Variants in WRN observed in about 807,000 individuals in gnomAD.
WRN encodes WRN RecQ like helicase.
A neutral mutation model predicts 180.7 loss-of-function variants in WRN; 149 were observed. That is an observed-to-expected ratio of 0.82 (90% CI 0.72 to 0.94). The LOEUF (loss-of-function observed/expected upper bound fraction) is 0.94. Ranked by LOEUF, WRN falls within the 40% of genes least tolerant of loss-of-function variation. The probability of loss-of-function intolerance (pLI) is 0.00; values close to 1 mark genes in which losing one functional copy is unlikely to be tolerated. For synonymous variants in WRN, 548 were observed against 568.9 expected (o/e 0.96, Z 0.52); for missense variants, 1,661 against 1,700.1 (o/e 0.98, Z 0.40).
chr8:31,129,060 C>T lies in WRN; in HGVS notation c.2826-3305C>T, dbSNP rs538375597. On this transcript the variant is annotated intron_variant, in intron 23 of 34. Transcript: ENST00000298139. ...TGGTATGATCATAGCTCACTGTAAC[C>T]TCAAATTCCTGGGCTCAAGCAATTC... Among the ~76,000 whole-genome samples the T allele has an allele frequency of 4.6e-5, 7 of 152,282 alleles. No individual in the cohort carries two copies. The South Asian group carries it at 1.5e-3, about 32-fold the overall frequency.
At chr8:31,087,438 A>C (rs953190522) in intron 11 of WRN, among the ~76,000 whole-genome samples, 5 of 152,190 alleles carry the variant, frequency 3.3e-5, no homozygotes, top group African/African-American at 1.2e-4. Flanking sequence ...CACGTTTACT[A>C]CTTGAGAATC....
At chr8:31,074,011 G>A (rs1392806527) in intron 7 of WRN, among the ~76,000 whole-genome samples, 2 of 151,814 alleles carry the variant, frequency 1.3e-5, no homozygotes, top group Admixed American at 1.3e-4. Flanking sequence ...CCGCCTCCCA[G>A]GTTCACACTA....
intron 15 of WRN, among the ~76,000 whole-genome samples, chr8:31,091,585 C>A (rs1297987423): frequency 1.3e-5 from 2 of 151,994 alleles, no homozygotes; most frequent in African/African-American, 4.8e-5. Flanking sequence ...GCAACCTATT[C>A]CTTTACCCCC....
intron 21 of WRN, among the ~76,000 whole-genome samples, chr8:31,121,688 T>A (rs1351830625): frequency 6.6e-6 from 1 of 150,740 alleles, no homozygotes; most frequent in East Asian, 1.9e-4. Flanking sequence ...TAAGGCTTCC[T>A]TGTGGAAGTG....
chr8:31,116,415 C>G lies in WRN; in HGVS notation c.2335C>G (p.Gln779Glu), dbSNP rs992936190. ...CTGTCCTTCTAGAAAAATGACACAA[C>G]AAGTTACAGGTGAACTTAGGAAACT... is the stretch of plus-strand genomic sequence containing the variant. The part of the protein sequence containing the change: ...IYCPSRKMTQ[Q>E]VTGELRKLNL... The change falls in exon 20 of 35, where the codon CAA becomes GAA. Residue 779 changes from glutamine (Q) to glutamate (E), a missense_variant. Coordinates refer to ENST00000298139, the MANE Select transcript of WRN (RefSeq NM_000553.6). 2 of 1,613,966 alleles carry G rather than the reference C, an allele frequency of 1.2e-6. No homozygotes were observed. The highest frequency in any genetic ancestry group is 1.7e-6 in the Non-Finnish European group (2 of 1,179,930).
chr8:31,167,091 C>T lies in WRN; in HGVS notation c.4052C>T (p.Ala1351Val), dbSNP rs1390836146. The T allele has an allele frequency of 1.9e-6, 3 of 1,613,382 alleles. No homozygotes were observed. Among genetic ancestry groups the T allele is most frequent in the Non-Finnish European group, 2.5e-6 (3 of 1,179,528 alleles). The change falls in exon 34 of 35, where the codon GCA becomes GTA. Residue 1351 changes from alanine to valine, a missense_variant. Physicochemically the swap from Ala to Val is moderately conservative, Grantham distance 64 (BLOSUM62 0). Coordinates refer to ENST00000298139, the MANE Select transcript of WRN (RefSeq NM_000553.6). ...ENIDTYLIHM[A>V]IEILKHGPDS... is the part of the protein sequence containing the mutation. The stretch of plus-strand genomic sequence containing the variant: ...ATTGACACGTACCTTATCCACATGG[C>T]AATTGAGATCCTTAAACATGGTCCT...
intron 24 of WRN, among the ~76,000 whole-genome samples, chr8:31,138,114 TTAGAAC>T (rs1434241396): frequency 2.6e-5 from 4 of 151,458 alleles, no homozygotes; most frequent in Non-Finnish European, 4.4e-5. Flanking sequence ...AAAAAAAAAA[TTAGAAC>T]TAGTTATCTG....
At chr8:31,166,034 TTTTTGTTTTG>T (rs569639841) in intron 33 of WRN, among the ~76,000 whole-genome samples, 31 of 152,234 alleles carry the variant, frequency 2.0e-4, no homozygotes, top group African/African-American at 6.5e-4. Flanking sequence ...CTCTTCCTGT[TTTTTGTTTTG>T]TTTTGTTTTG....
At chr8:31,133,870 G>A (rs1035958265) in intron 24 of WRN, among the ~76,000 whole-genome samples, 3 of 152,258 alleles carry the variant, frequency 2.0e-5, no homozygotes, top group Admixed American at 2.0e-4. Context: ...AATTATTCTT[G>A]TTTTAATTTG....
chr8:31,086,904 A>G (rs1813553342), intron 11 of WRN, among the ~76,000 whole-genome samples: 1 of 152,220 alleles, frequency 6.6e-6, no homozygotes, highest in Non-Finnish European at 1.5e-5. Context: ...ACAAACGTAT[A>G]CATTAAATCT....
At chr8:31,150,030 T>A (rs768182164) in intron 30 of WRN, among the ~76,000 whole-genome samples, 14 of 152,124 alleles carry the variant, frequency 9.2e-5, no homozygotes, top group Non-Finnish European at 1.6e-4. Flanking sequence ...ACAATAAAAA[T>A]AATAATAAAA....
chr8:31,144,198 G>C (rs750099318), intron 28 of WRN, among the ~76,000 whole-genome samples: 10 of 152,108 alleles, frequency 6.6e-5, no homozygotes, highest in African/African-American at 2.4e-4. Flanking sequence ...ATGTTCTGTT[G>C]TCATGTCTTT....
chr8:31,067,430 A>G (rs1812755760), intron 6 of WRN, among the ~76,000 whole-genome samples: 1 of 152,190 alleles, frequency 6.6e-6, no homozygotes, highest in African/African-American at 2.4e-5. Flanking sequence ...ATTAATGTCT[A>G]ATTTGTATGT....
chr8:31,172,967 G>A (rs878944460), intron 34 of WRN, 28 bp from the exon 35 acceptor site: 1 of 1,607,190 alleles, frequency 6.2e-7, no homozygotes, highest in Non-Finnish European at 8.5e-7. Context: ...ACAAAGATTT[G>A]ATTTCTTTTT....
At chr8:31,044,720 G>A (rs1242675806) in intron 1 of WRN, among the ~76,000 whole-genome samples, 5 of 152,024 alleles carry the variant, frequency 3.3e-5, no homozygotes, top group Non-Finnish European at 7.4e-5. Context: ...GTTTTACTTA[G>A]CATTTATCTT....
intron 33 of WRN, among the ~76,000 whole-genome samples, chr8:31,163,583 TTGA>T (rs974475334): frequency 2.3e-4 from 35 of 152,324 alleles, no homozygotes; most frequent in African/African-American, 7.9e-4. Flanking sequence ...AAACTCTAAC[TTGA>T]TGAGTGAAAC....
chr8:31,094,439 G>A (rs1468851072), intron 16 of WRN, among the ~76,000 whole-genome samples: 5 of 150,162 alleles, frequency 3.3e-5, no homozygotes, highest in Non-Finnish European at 7.4e-5. Flanking sequence ...TTGATTTCCT[G>A]GGCTCAATTG....
intron 10 of WRN, among the ~76,000 whole-genome samples, chr8:31,084,597 C>T (rs1360855268): frequency 6.6e-6 from 1 of 151,920 alleles, no homozygotes; most frequent in Non-Finnish European, 1.5e-5. Flanking sequence ...ACACTTGGTT[C>T]CTGGAGATTG....
chr8:31,140,957 A>G (rs555887486), intron 24 of WRN, among the ~76,000 whole-genome samples: 61 of 152,110 alleles, frequency 4.0e-4, no homozygotes, highest in Non-Finnish European at 8.2e-4. Flanking sequence ...GGGTTTCACC[A>G]TGTTAGCCAT....
Sources: gnomAD v4.1 joint callset for allele counts (sites outside exome capture counted in the v4.1 genomes callset) on GRCh38, gnomAD v4.1.1 for gene constraint, MANE v1.5 for transcripts, NCBI Gene and HGNC (gene_info 2026-07-23, HGNC 2026-07-21) for gene names.